GALNT14: variants seen among roughly 807,000 people sequenced by gnomAD.
GALNT14 encodes the protein UDP-GalNAc:polypeptide N-acetylgalactosaminyltransferase 14.
In GALNT14, 60 loss-of-function variants were observed where a neutral mutation model predicts 77.5. The ratio of observed to expected loss-of-function variants is 0.77; its 90% CI spans 0.63 to 0.96. The LOEUF is 0.96. Ranked by LOEUF, GALNT14 falls within the 40% of genes least tolerant of loss-of-function variation. The pLI, the probability that GALNT14 is intolerant of heterozygous loss-of-function variation, is 0.00. For synonymous variants in GALNT14, 280 were observed against 281.7 expected, an observed-to-expected ratio of 0.99 and a Z score of 0.06; for missense variants, 710 against 731.0, an observed-to-expected ratio of 0.97 and a Z score of 0.33.
intron 1 of GALNT14, among the ~76,000 whole-genome samples, chr2:31,054,872 C>A (rs1444930499): frequency 6.6e-6 from 1 of 152,078 alleles, no homozygotes; most frequent in Admixed American, 6.5e-5. Flanking sequence ...AACATCAGAG[C>A]CATTTATTTA....
intron 1 of GALNT14, among the ~76,000 whole-genome samples, chr2:31,100,186 G>T (rs1391945735): frequency 6.6e-6 from 1 of 151,892 alleles, no homozygotes; most frequent in East Asian, 1.9e-4. Context: ...ATTGATAGGT[G>T]GTTGGAAACT....
chr2:31,047,758 T>A (rs1281251277), intron 1 of GALNT14, among the ~76,000 whole-genome samples: 2 of 152,188 alleles, frequency 1.3e-5, no homozygotes, highest in Non-Finnish European at 2.9e-5. Context: ...ATGTACTGAA[T>A]CATAAACTCT....
At chr2:30,988,458 C>T (rs1311803922) in intron 2 of GALNT14, among the ~76,000 whole-genome samples, 1 of 152,146 alleles carries the variant, frequency 6.6e-6, no homozygotes, top group African/African-American at 2.4e-5. Flanking sequence ...GACATGGAGC[C>T]TGTGAATGAA....
intron 13 of GALNT14, among the ~76,000 whole-genome samples, chr2:30,919,439 G>A (rs532065283): frequency 7.2e-5 from 11 of 152,304 alleles, no homozygotes; most frequent in South Asian, 4.2e-4. Flanking sequence ...TTTCAACAAC[G>A]AGGACGCCCC....
chr2:30,926,958 G>A (rs553084801), intron 11 of GALNT14, among the ~76,000 whole-genome samples: 2 of 152,302 alleles, frequency 1.3e-5, no homozygotes, highest in South Asian at 4.1e-4. Flanking sequence ...AGCAATGTTG[G>A]ACTGAAGGAG....
chr2:31,036,551 C>T (rs1672747735), intron 1 of GALNT14, among the ~76,000 whole-genome samples: 1 of 152,118 alleles, frequency 6.6e-6, no homozygotes, highest in South Asian at 2.1e-4. Flanking sequence ...GACAAAAATA[C>T]ATTTAATTAC....
Position 30,932,164 on chromosome 2 carries a change from C to T in GALNT14, c.962G>A (p.Gly321Asp). 4 of 1,544,750 alleles carry T rather than the reference C, an allele frequency of 2.6e-6. No homozygotes were observed. ...EISFRVWMCG[G>D]SLEIVPCSRV... Reference sequence around the variant, plus strand: ...GCTGCAGGGGACGATCTCTAGGCTGCCCCCGCACATCCACACTCGGAAGGA... The same window carrying T: ...GCTGCAGGGGACGATCTCTAGGCTGTCCCCGCACATCCACACTCGGAAGGA... The change falls in exon 10 of 15, where the codon GGC (glycine) becomes GAC (aspartate). Residue 321 changes from glycine (G) to aspartate (D), a missense_variant. Transcript: ENST00000349752.
At chr2:31,116,932 G>GA (rs1678134978) in intron 1 of GALNT14, among the ~76,000 whole-genome samples, 1 of 152,080 alleles carries the variant, frequency 6.6e-6, no homozygotes, top group African/African-American at 2.4e-5. Context: ...AGCTACCTGG[G>GA]AGGCTGAGGC....
intron 1 of GALNT14, among the ~76,000 whole-genome samples, chr2:31,008,224 G>A (rs1558487702): frequency 1.3e-5 from 2 of 152,068 alleles, no homozygotes; most frequent in Non-Finnish European, 1.5e-5. Flanking sequence ...AGCTGGCTGG[G>A]ACTACAGGCA....
chr2:30,964,214 C>T (rs1210015440), intron 3 of GALNT14, among the ~76,000 whole-genome samples: 1 of 152,194 alleles, frequency 6.6e-6, no homozygotes, highest in African/African-American at 2.4e-5. Context: ...CAGGCATGCC[C>T]AGTCATGACC....
rs763519668 is a variant in GALNT14, at chr2:30,924,227, G to A, written c.1272C>T (p.Ile424=). 2.0e-5 allele frequency: 33 copies of A among 1,614,172 alleles called. No individual in the cohort carries two copies. Among genetic ancestry groups the A allele is most frequent in the Admixed American group, 6.7e-5 (4 of 60,018 alleles). ...PKESSIQKGN[I]RQRQKCLESQ... Reference sequence around the variant, plus strand: ...ATTCCAGGCACTTCTGTCTCTGTCGGATATTGCCCTTCTGGATGGAGGACT... The same window carrying A: ...ATTCCAGGCACTTCTGTCTCTGTCGAATATTGCCCTTCTGGATGGAGGACT... The change falls in exon 13 of 15, where the codon ATC becomes ATT. Residue 424 remains isoleucine (I), a synonymous_variant. Coordinates refer to ENST00000349752, the MANE Select transcript of GALNT14 (RefSeq NM_024572.4).
chr2:31,095,595 C>T (rs892265090), intron 1 of GALNT14, among the ~76,000 whole-genome samples: 2 of 152,132 alleles, frequency 1.3e-5, no homozygotes, highest in East Asian at 3.9e-4. Context: ...TTTTGACCCT[C>T]CATGAGGGTA....
chr2:31,021,132 G>A (rs535314492), intron 1 of GALNT14, among the ~76,000 whole-genome samples: 3 of 152,152 alleles, frequency 2.0e-5, no homozygotes, highest in South Asian at 2.1e-4. Context: ...GCCAGCAGGT[G>A]CTGCACAGAT....
chr2:30,915,916 C>G (rs1664651947), intron 13 of GALNT14, among the ~76,000 whole-genome samples: 1 of 151,994 alleles, frequency 6.6e-6, no homozygotes. Context: ...TTTTCCTGGG[C>G]CTTGAAGCAT....
intron 2 of GALNT14, among the ~76,000 whole-genome samples, chr2:30,978,150 C>T (rs1468716959): frequency 6.6e-6 from 1 of 152,234 alleles, no homozygotes; most frequent in Non-Finnish European, 1.5e-5. Context: ...CTAAACCAGC[C>T]CAGTCACTGC....
chr2:31,028,929 A>T (rs1027892295), intron 1 of GALNT14, among the ~76,000 whole-genome samples: 3 of 152,192 alleles, frequency 2.0e-5, no homozygotes, highest in Non-Finnish European at 4.4e-5. Flanking sequence ...GGCCATGTTC[A>T]AAAACCAAAA....
At chr2:30,956,050 G>A in intron 4 of GALNT14, 73 bp from the exon 5 acceptor site, 1 of 1,479,760 alleles carries the variant, frequency 6.8e-7, no homozygotes, top group Non-Finnish European at 9.4e-7. Context: ...GTGCACTGCA[G>A]GTGAACCTGA....
chr2:31,117,344 T>A (rs1483372803), intron 1 of GALNT14, among the ~76,000 whole-genome samples: 1 of 152,112 alleles, frequency 6.6e-6, no homozygotes. Context: ...TCAAAATGTA[T>A]GGGACACAGC....
At chr2:31,008,834 G>A (rs1670840229) in intron 1 of GALNT14, among the ~76,000 whole-genome samples, 1 of 152,242 alleles carries the variant, frequency 6.6e-6, no homozygotes, top group Non-Finnish European at 1.5e-5. Flanking sequence ...CGGGAGGAAA[G>A]GCGACAGGGA....
Sources: gnomAD v4.1 joint callset for allele counts (sites outside exome capture counted in the v4.1 genomes callset) on GRCh38, gnomAD v4.1.1 for gene constraint, MANE v1.5 for transcripts, NCBI Gene and HGNC (gene_info 2026-07-23, HGNC 2026-07-21) for gene names.